The following TBC1D19 variants were observed in gnomAD, a reference collection of about 807,000 sequenced individuals.
TBC1D19 encodes TBC1 domain family, member 19.
TBC1D19 carries 60 observed loss-of-function variants against 89.0 expected under a neutral mutation model. The ratio of observed to expected loss-of-function variants is 0.67; its 90% CI spans 0.55 to 0.84. The LOEUF (loss-of-function observed/expected upper bound fraction) is 0.84. Among genes scored for constraint, TBC1D19 ranks in the 40% least tolerant of loss-of-function variants. The probability of loss-of-function intolerance (pLI) is 0.00; values close to 1 mark genes in which losing one functional copy is unlikely to be tolerated. For missense variants in TBC1D19, 500 were observed against 610.8 expected, an observed-to-expected ratio of 0.82 and a Z score of 1.91; for synonymous variants, 189 against 199.7, an observed-to-expected ratio of 0.95 and a Z score of 0.45.
At chr4:26,806,396 A>T in the TBC1D19 span, among the ~76,000 whole-genome samples, 1 of 152,356 alleles carries the variant, frequency 6.6e-6, no homozygotes, top group South Asian at 2.1e-4. Context: ...TATGAGGATC[A>T]TGAGTTTAAA....
At position 26,584,103 on chromosome 4, in the gene TBC1D19, G is replaced by A; in HGVS notation, c.-91G>A. 7.8e-7 allele frequency: 1 copy of A among 1,280,900 alleles called. No individual in the cohort carries two copies. The highest frequency in any genetic ancestry group is 1.3e-5 in the South Asian group (1 of 77,778). 79.3% of individuals were successfully genotyped at this position (1,280,900 alleles called of 1,614,324 possible). ...AGTCCCAGTGTAATAAGGTCCCGGA[G>A]AAGTGTCACTGGCCCTGAGTGGGAC... On this transcript the variant is annotated 5_prime_UTR_variant, in exon 1 of 21. Coordinates refer to ENST00000264866, the MANE Select transcript of TBC1D19 (RefSeq NM_018317.4).
the TBC1D19 span, among the ~76,000 whole-genome samples, chr4:26,842,588 C>CTTTCTT: frequency 9.5e-6 from 1 of 104,736 alleles, no homozygotes; most frequent in Non-Finnish European, 1.8e-5. Context: ...CCCTCCCTTT[C>CTTTCTT]TTTCTTTCTT....
the TBC1D19 span, among the ~76,000 whole-genome samples, chr4:26,800,612 A>G: frequency 2.6e-5 from 4 of 152,232 alleles, no homozygotes; most frequent in Non-Finnish European, 5.9e-5. Flanking sequence ...ACTAGTTTAC[A>G]GTCCCACCAA....
chr4:26,812,979 G>A, the TBC1D19 span, among the ~76,000 whole-genome samples: 1 of 152,118 alleles, frequency 6.6e-6, no homozygotes, highest in South Asian at 2.1e-4. This position sits in a 1 kb window ranked among gnomAD's most constrained non-coding sequence, Gnocchi z 4.2. Flanking sequence ...CACTTTGGGA[G>A]GCCCAAGGTG....
chr4:26,760,464 A>G (rs1462294596), downstream of TBC1D19, among the ~76,000 whole-genome samples: 1 of 151,932 alleles, frequency 6.6e-6, no homozygotes, highest in Admixed American at 6.6e-5. Context: ...TACTGGTGGG[A>G]GTGGTGGGGA....
the TBC1D19 span, among the ~76,000 whole-genome samples, chr4:26,827,112 C>A: frequency 6.6e-6 from 1 of 152,230 alleles, no homozygotes; most frequent in East Asian, 1.9e-4. Context: ...CATGATACTT[C>A]TGGTGAACTG....
intron 4 of TBC1D19, among the ~76,000 whole-genome samples, chr4:26,622,166 G>T (rs1742094685): frequency 6.6e-6 from 1 of 151,992 alleles, no homozygotes; most frequent in African/African-American, 2.4e-5. Context: ...AATGGGTGCA[G>T]CTCACCAACA....
chr4:26,644,389 C>T (rs983697595), intron 7 of TBC1D19, among the ~76,000 whole-genome samples: 1 of 152,184 alleles, frequency 6.6e-6, no homozygotes, highest in Admixed American at 6.5e-5. Context: ...ATGCTAAAAA[C>T]TCTCAATAAA....
At chr4:26,742,928 A>G (rs558958300) in intron 18 of TBC1D19, among the ~76,000 whole-genome samples, 2 of 152,288 alleles carry the variant, frequency 1.3e-5, no homozygotes, top group African/African-American at 4.8e-5. Context: ...CCTGAGAAAC[A>G]TGATCATACT....
the TBC1D19 span, among the ~76,000 whole-genome samples, chr4:26,818,136 G>T: frequency 6.6e-6 from 1 of 151,822 alleles, no homozygotes; most frequent in Non-Finnish European, 1.5e-5. Context: ...TGTGTGTACT[G>T]CCACAACACA....
At chr4:26,659,879 T>C (rs1339920015) in intron 8 of TBC1D19, among the ~76,000 whole-genome samples, 172 bp downstream of exon 8, 1 of 152,206 alleles carries the variant, frequency 6.6e-6, no homozygotes, top group Non-Finnish European at 1.5e-5. Flanking sequence ...GTTGTTTTGC[T>C]AATAGAACTA....
the TBC1D19 span, among the ~76,000 whole-genome samples, chr4:26,827,286 C>T: frequency 1.3e-5 from 2 of 152,174 alleles, no homozygotes; most frequent in Non-Finnish European, 2.9e-5. Context: ...TCTTCTTCAT[C>T]ACCAAATCTA....
intron 9 of TBC1D19, among the ~76,000 whole-genome samples, chr4:26,671,529 T>A (rs73247972): frequency 0.025 from 3,727 of 151,882 alleles, 58 homozygotes; most frequent in Non-Finnish European, 0.038. Context: ...AGTTTTTTTT[T>A]AAAAATGTAA....
At chr4:26,851,304 C>CCTACCTAT in the TBC1D19 span, among the ~76,000 whole-genome samples, 102 of 147,076 alleles carry the variant, frequency 6.9e-4, no homozygotes, top group Middle Eastern at 3.4e-3. Flanking sequence ...TAATAAATAC[C>CCTACCTAT]CTATCTATCT....
the TBC1D19 span, among the ~76,000 whole-genome samples, chr4:26,846,890 A>G: frequency 7.2e-5 from 11 of 152,058 alleles, no homozygotes; most frequent in Non-Finnish European, 1.5e-4. Flanking sequence ...TTCTCCTTCT[A>G]CACTCTTTTT....
the TBC1D19 span, among the ~76,000 whole-genome samples, chr4:26,791,568 C>G: frequency 6.6e-6 from 1 of 152,176 alleles, no homozygotes; most frequent in Non-Finnish European, 1.5e-5. Flanking sequence ...GGGAGCCCAA[C>G]ACAGTAATCT....
intron 7 of TBC1D19, among the ~76,000 whole-genome samples, chr4:26,654,557 G>T (rs1194757174): frequency 1.3e-5 from 2 of 152,096 alleles, no homozygotes; most frequent in East Asian, 3.8e-4. Context: ...ATATTTCTTG[G>T]AGGCTTTGTT....
At position 26,694,630 on chromosome 4, in the gene TBC1D19, G is replaced by A. The variant is rs553397280; in HGVS notation, c.954+6223G>A. On this transcript the variant is annotated intron_variant, in intron 13 of 20. Transcript: ENST00000264866. The stretch of plus-strand genomic sequence containing the variant: ...TCCCTGACCCCTGAGTAGCCTAACT[G>A]GGAGTCATCCCCCAGTAGGGGCAGA... Among the ~76,000 whole-genome samples the A allele has an allele frequency of 2.6e-5, 4 of 152,316 alleles. No homozygotes were observed. In the East Asian group the frequency reaches 7.7e-4, roughly 29 times the overall value.
intron 4 of TBC1D19, among the ~76,000 whole-genome samples, chr4:26,627,983 A>T (rs1742542186): frequency 2.0e-5 from 3 of 152,080 alleles, no homozygotes; most frequent in Non-Finnish European, 4.4e-5. Flanking sequence ...CTGAATGGTA[A>T]TGCCTAGGTT....
Sources: gnomAD v4.1 joint callset for allele counts (sites outside exome capture counted in the v4.1 genomes callset) on GRCh38, gnomAD v4.1.1 for gene constraint, Gnocchi (gnomAD v3.1) non-coding constraint, MANE v1.5 for transcripts, NCBI Gene and HGNC (gene_info 2026-07-23, HGNC 2026-07-21) for gene names.